GORAB: variants seen among roughly 807,000 people sequenced by gnomAD.
GORAB encodes golgin, RAB6 interacting, also known as RAB6-interacting golgin.
In GORAB, 17 loss-of-function variants were observed where a neutral mutation model predicts 29.9. The ratio of observed to expected loss-of-function variants is 0.57; its 90% confidence interval spans 0.39 to 0.85. The LOEUF is 0.85. GORAB is among the 40% of genes least tolerant of loss of function. The pLI is 0.00. For synonymous variants in GORAB, 183 were observed against 157.2 expected (o/e 1.16, Z -1.23); for missense variants, 442 against 437.8 (o/e 1.01, Z -0.09).
At chr1:170,537,233 T>C (rs1158344424) in intron 1 of GORAB, among the ~76,000 whole-genome samples, 1 of 152,202 alleles carries the variant, frequency 6.6e-6, no homozygotes, top group African/African-American at 2.4e-5. Context: ...AAGCCAGCTA[T>C]ACCTGTTGCC....
chr1:170,544,723 A>G lies in GORAB; in HGVS notation c.540A>G (p.Ala180=), dbSNP rs1304158093. 2 of 1,614,084 alleles carry G rather than the reference A, an allele frequency of 1.2e-6. No individual in the cohort carries two copies. The highest frequency in any genetic ancestry group is 1.7e-6 in the Non-Finnish European group (2 of 1,179,934). ...AIAERSKRTQ[A]ETMKLKRIQK... ...TTTCTAGATCCAAAAGAACTCAGGC[A>G]GAGACCATGAAACTAAAGCGGATCC... Residue 180 remains alanine, a synonymous_variant, in exon 4 of 5, where the codon GCA becomes GCG. Coordinates refer to ENST00000367763, the MANE Select transcript of GORAB (RefSeq NM_152281.3).
Position 170,552,719 on chromosome 1 carries a change from C to A in GORAB, c.*257C>A, listed in dbSNP as rs929998237. On this transcript the variant is annotated 3_prime_UTR_variant, in exon 5 of 5. Transcript: ENST00000367763. ...TACCCTTTTTACTGAAAGTAAGTGA[C>A]TTAAAAGGATGGAAGAAAAACTACA... The A allele has an allele frequency of 5.7e-6, 3 of 530,846 alleles. No individual in the cohort carries two copies. Among genetic ancestry groups the A allele is most frequent in the African/African-American group, 3.8e-5 (2 of 52,806 alleles). 32.9% of individuals were successfully genotyped at this position (530,846 alleles called of 1,614,324 possible).
At chr1:170,542,815 T>A (rs1649516934) in intron 3 of GORAB, among the ~76,000 whole-genome samples, 1 of 152,224 alleles carries the variant, frequency 6.6e-6, no homozygotes, top group African/African-American at 2.4e-5. Flanking sequence ...TTTGTAAATA[T>A]AGTTGCAGTT....
In GORAB at chr1:170,551,896, C is replaced by T. The variant is rs139799678; in HGVS notation, c.663-119C>T. 1.4e-4 allele frequency: 115 copies of T among 845,320 alleles called. 1 individual carries two copies. The East Asian group carries it at 2.3e-3, about 17-fold the overall frequency. 52.4% of individuals were successfully genotyped at this position (845,320 alleles called of 1,614,324 possible). On this transcript the variant is annotated intron_variant, in intron 4 of 4. Transcript: ENST00000367763. ...CAAGTGTTTGTAAAGTAGTAATATC[C>T]GTATCTTCATTATATATTTTTTCCC... is the stretch of plus-strand genomic sequence containing the variant.
intron 1 of GORAB, among the ~76,000 whole-genome samples, chr1:170,536,100 A>G (rs1649046168): frequency 6.6e-6 from 1 of 152,110 alleles, no homozygotes; most frequent in Admixed American, 6.5e-5. Context: ...TCATCTTCAT[A>G]TTATTAACAT....
chr1:170,545,030 C>G, intron 4 of GORAB, 185 bp downstream of exon 4: 1 of 1,323,244 alleles, frequency 7.6e-7, no homozygotes, highest in Non-Finnish European at 9.7e-7. Context: ...CTTAACTCTG[C>G]CCTACTAGTT....
rs1330106644 is a variant in GORAB, at chr1:170,544,850, G to C, written c.662+5G>C. 1 of 1,605,778 alleles carries C rather than the reference G, an allele frequency of 6.2e-7. No individual in the cohort carries two copies. The highest frequency in any genetic ancestry group is 8.5e-7 in the Non-Finnish European group (1 of 1,173,154). On this transcript the variant is annotated splice_donor_5th_base_variant and intron_variant, in intron 4 of 4. Coordinates refer to ENST00000367763, the MANE Select transcript of GORAB (RefSeq NM_152281.3). ...CTTAGACTATTCATACGCTCGGTGA[G>C]TTGGGGAAATTGAATCTGAACAAGG...
In GORAB at chr1:170,553,187, A is replaced by T. The variant is rs1650235673; in HGVS notation, c.*725A>T. On this transcript the variant is annotated 3_prime_UTR_variant, in exon 5 of 5. Transcript: ENST00000367763. ...AATTGATTAAATTTAGACAATTAAA[A>T]CATTTCTAAAGTGAGACTGAAAATA... The T allele has an allele frequency of 2.3e-6, 1 of 432,062 alleles. No individual in the cohort carries two copies. Among genetic ancestry groups the T allele is most frequent in the African/African-American group, 2.1e-5 (1 of 48,730 alleles). The allele number at this position is 432,062 out of a possible 1,614,324, so 26.8% of individuals were successfully genotyped here. A position where few individuals can be genotyped will look rare whatever the true frequency, so the allele number is the denominator to read the frequency against.
chr1:170,534,938 T>G (rs1648962152), intron 1 of GORAB, among the ~76,000 whole-genome samples: 1 of 152,170 alleles, frequency 6.6e-6, no homozygotes, highest in Admixed American at 6.5e-5. Flanking sequence ...TAAGACAAGT[T>G]AAGCTAAAGT....
intron 1 of GORAB, chr1:170,532,763 A>G (rs556710167): frequency 5.3e-5 from 10 of 190,034 alleles, no homozygotes; most frequent in African/African-American, 2.3e-4. Context: ...TTCACAATTC[A>G]TCTGGAGTGT....
intron 4 of GORAB, among the ~76,000 whole-genome samples, chr1:170,551,030 G>A (rs577190759): frequency 8.4e-4 from 128 of 152,160 alleles, no homozygotes; most frequent in African/African-American, 3.0e-3. Context: ...AAGATTACCT[G>A]TCAACAGAGT....
At chr1:170,535,229 G>A (rs1304332749) in intron 1 of GORAB, among the ~76,000 whole-genome samples, 1 of 152,182 alleles carries the variant, frequency 6.6e-6, no homozygotes, top group Non-Finnish European at 1.5e-5. Flanking sequence ...CTTCTAAAAG[G>A]AGGATTATGT....
chr1:170,549,097 A>G (rs1036245194), intron 4 of GORAB, among the ~76,000 whole-genome samples: 1 of 152,210 alleles, frequency 6.6e-6, no homozygotes, highest in Non-Finnish European at 1.5e-5. Context: ...GGGGATACCA[A>G]AACAAAGAGA....
intron 1 of GORAB, among the ~76,000 whole-genome samples, chr1:170,535,980 T>A (rs1162275491): frequency 1.3e-5 from 2 of 152,170 alleles, no homozygotes; most frequent in Non-Finnish European, 2.9e-5. Context: ...ACCCAGCCAG[T>A]ATTCTTGACC....
At chr1:170,536,190 A>T (rs1649050847) in intron 1 of GORAB, 1 of 152,148 alleles carries the variant, frequency 6.6e-6, no homozygotes, top group South Asian at 2.1e-4. Context: ...TTCCCTATAG[A>T]GGTACTAAAC....
At chr1:170,551,955 C>T in intron 4 of GORAB, 60 bp from the exon 5 acceptor site, 1 of 1,449,018 alleles carries the variant, frequency 6.9e-7, no homozygotes, top group Non-Finnish European at 9.6e-7. Context: ...TCTAGATCCT[C>T]TTTTGAATAT....
chr1:170,544,850 G>A lies in GORAB; in HGVS notation c.662+5G>A. The stretch of plus-strand genomic sequence containing the variant: ...CTTAGACTATTCATACGCTCGGTGA[G>A]TTGGGGAAATTGAATCTGAACAAGG... On this transcript the variant is annotated splice_donor_5th_base_variant and intron_variant, in intron 4 of 4. Transcript: ENST00000367763. 6.2e-7 allele frequency: 1 copy of A among 1,605,778 alleles called. No homozygotes were observed. The highest frequency in any genetic ancestry group is 1.1e-5 in the South Asian group (1 of 90,680).
intron 2 of GORAB, 140 bp from the exon 3 acceptor site, chr1:170,542,351 G>C: frequency 1.7e-6 from 1 of 600,326 alleles, no homozygotes. Flanking sequence ...TTTCTTTTAA[G>C]AGGACTTTTG....
In GORAB at chr1:170,547,934, C is replaced by T. The variant is rs549584327; in HGVS notation, c.662+3089C>T. On this transcript the variant is annotated intron_variant, in intron 4 of 4. Coordinates refer to ENST00000367763, the MANE Select transcript of GORAB (RefSeq NM_152281.3). ...TGATTCTTAAGTTTGAGAAAATTCA[C>T]CTAGGATATGTTTTGCTGAAGACTC... Among the ~76,000 whole-genome samples the T allele has an allele frequency of 1.9e-4, 29 of 152,272 alleles. 1 individual carries two copies. In the South Asian group the frequency reaches 4.8e-3, roughly 25 times the overall value.
Sources: allele counts gnomAD v4.1 joint callset (sites outside exome capture counted in the v4.1 genomes callset), GRCh38; gene constraint gnomAD v4.1.1; transcripts MANE v1.5; gene names NCBI Gene and HGNC (gene_info 2026-07-23, HGNC 2026-07-21).